The following GRIK4 variants were observed in gnomAD, a reference collection of about 807,000 sequenced individuals.
The protein encoded by GRIK4 is glutamate receptor ionotropic, kainate 4.
Under a neutral mutation model 104.9 loss-of-function variants are expected in GRIK4, and 40 were observed. That is an observed-to-expected ratio of 0.38 (90% CI 0.30 to 0.50). The LOEUF (loss-of-function observed/expected upper bound fraction) is 0.50. Among genes scored for constraint, GRIK4 ranks in the 20% least tolerant of loss-of-function variants. The pLI is 0.93. For synonymous variants in GRIK4, 485 were observed against 524.9 expected (o/e 0.92, Z 1.04); for missense variants, 1,047 against 1,308.1 (o/e 0.80, Z 3.08).
intron 1 of GRIK4, among the ~76,000 whole-genome samples, chr11:120,529,073 T>A (rs920738012): frequency 6.6e-6 from 1 of 152,114 alleles, no homozygotes; most frequent in Non-Finnish European, 1.5e-5. Flanking sequence ...CTACTCCTTA[T>A]CCATTCCTCT....
At chr11:120,639,817 A>G (rs775636911) in intron 1 of GRIK4, among the ~76,000 whole-genome samples, 1 of 152,164 alleles carries the variant, frequency 6.6e-6, no homozygotes, top group Non-Finnish European at 1.5e-5. Context: ...ACCTTTCCAT[A>G]AGAAATTCTG....
intron 3 of GRIK4, among the ~76,000 whole-genome samples, chr11:120,800,190 C>T (rs1055936697): frequency 4.6e-5 from 7 of 152,118 alleles, no homozygotes; most frequent in Admixed American, 1.3e-4. Context: ...TTTTTTCCCA[C>T]ATCAACTCTT....
Position 120,815,423 on chromosome 11 carries a change from C to A in GRIK4, c.293C>A (p.Ser98Ter). The A allele has an allele frequency of 6.4e-7, 1 of 1,552,706 alleles. No homozygotes were observed. Among genetic ancestry groups the A allele is most frequent in the Non-Finnish European group, 8.7e-7 (1 of 1,147,366 alleles). The change falls in exon 5 of 21, where the codon TCG becomes TAG. Residue 98 changes from serine (S) to a stop codon, truncating the protein, a stop_gained. Transcript: ENST00000527524. LOFTEE classifies it high-confidence loss of function. ...GGGGTGGTCGCTGTCCTCGGACCATCGTCCAGCCCAGCCTCCAGCTCCATC... is the reference window on the plus strand; with the variant it reads ...GGGGTGGTCGCTGTCCTCGGACCATAGTCCAGCCCAGCCTCCAGCTCCATC... ...PKGVVAVLGP[S>*]SSPASSSIIS... is the part of the protein sequence containing the mutation.
intron 3 of GRIK4, among the ~76,000 whole-genome samples, chr11:120,718,191 C>G (rs2135369672): frequency 6.6e-6 from 1 of 152,204 alleles, no homozygotes; most frequent in East Asian, 1.9e-4. Flanking sequence ...AGACAGGACT[C>G]AGCCCTGGAG....
At chr11:120,600,228 C>G (rs1260403018) in intron 1 of GRIK4, among the ~76,000 whole-genome samples, 1 of 152,100 alleles carries the variant, frequency 6.6e-6, no homozygotes, top group East Asian at 1.9e-4. Flanking sequence ...GGGAGGGTAC[C>G]TCCACCCACC....
intron 1 of GRIK4, among the ~76,000 whole-genome samples, chr11:120,562,569 GAAGT>G (rs1176111398): frequency 1.3e-5 from 2 of 152,114 alleles, no homozygotes; most frequent in African/African-American, 2.4e-5. Context: ...TGCACACACA[GAAGT>G]AAGTGAGGAT....
At chr11:120,799,465 G>A (rs543688200) in intron 3 of GRIK4, among the ~76,000 whole-genome samples, 2 of 152,258 alleles carry the variant, frequency 1.3e-5, no homozygotes, top group South Asian at 2.1e-4. Context: ...GCTCCCTAGC[G>A]CACCCCCTGC....
intron 3 of GRIK4, among the ~76,000 whole-genome samples, chr11:120,665,633 T>C (rs912726378): frequency 6.6e-6 from 1 of 152,246 alleles, no homozygotes; most frequent in African/African-American, 2.4e-5. Flanking sequence ...TGCAAACTTC[T>C]CTTCCCCCAG....
intron 11 of GRIK4, among the ~76,000 whole-genome samples, chr11:120,887,656 A>G (rs991526672): frequency 2.6e-5 from 4 of 152,226 alleles, no homozygotes; most frequent in Non-Finnish European, 4.4e-5. Context: ...TCACGCATCC[A>G]GCCAATATGT....
chr11:120,969,574 A>G (rs1221609955), intron 19 of GRIK4, among the ~76,000 whole-genome samples: 7 of 152,196 alleles, frequency 4.6e-5, no homozygotes, highest in Non-Finnish European at 1.0e-4. Context: ...TTCCCCCAAA[A>G]GAAGACACAT....
intron 8 of GRIK4, among the ~76,000 whole-genome samples, chr11:120,840,521 C>T (rs1169078664): frequency 3.3e-5 from 5 of 152,026 alleles, no homozygotes; most frequent in Admixed American, 1.3e-4. Flanking sequence ...AGGTCCAAAT[C>T]GTGAGAACTT....
chr11:120,840,095 A>G (rs1953675397), intron 8 of GRIK4, among the ~76,000 whole-genome samples: 1 of 152,184 alleles, frequency 6.6e-6, no homozygotes, highest in Non-Finnish European at 1.5e-5. Flanking sequence ...AAGCTGGGCA[A>G]GTCCAGGGAA....
chr11:120,849,680 G>A (rs1953932296), intron 8 of GRIK4, among the ~76,000 whole-genome samples: 1 of 152,150 alleles, frequency 6.6e-6, no homozygotes, highest in Admixed American at 6.5e-5. Context: ...GATGTTCAAG[G>A]GTCTTCACTC....
intron 14 of GRIK4, among the ~76,000 whole-genome samples, chr11:120,946,011 TAA>T (rs765834677): frequency 1.8e-4 from 28 of 152,348 alleles, no homozygotes; most frequent in Admixed American, 2.6e-4. Flanking sequence ...CTTGTAATGA[TAA>T]GTTTAGTATT....
At chr11:120,660,566 G>C (rs953755036) in intron 3 of GRIK4, among the ~76,000 whole-genome samples, 166 bp downstream of exon 3, 9 of 152,194 alleles carry the variant, frequency 5.9e-5, no homozygotes, top group Admixed American at 1.3e-4. Flanking sequence ...GGAGGCAGCT[G>C]ACAGGTGACC....
intron 11 of GRIK4, among the ~76,000 whole-genome samples, chr11:120,883,608 G>T (rs1353337968): frequency 6.6e-6 from 1 of 152,162 alleles, no homozygotes; most frequent in Non-Finnish European, 1.5e-5. Context: ...TGTAAGTCTG[G>T]TTCTTTCTCC....
chr11:120,840,126 G>T (rs1953675997), intron 8 of GRIK4, among the ~76,000 whole-genome samples: 1 of 152,158 alleles, frequency 6.6e-6, no homozygotes, highest in Non-Finnish European at 1.5e-5. Context: ...TCTGGTGCAG[G>T]GGAAGCTGGG....
intron 3 of GRIK4, among the ~76,000 whole-genome samples, chr11:120,701,887 T>TTTC (rs1313579915): frequency 6.6e-6 from 1 of 151,876 alleles, no homozygotes; most frequent in East Asian, 1.9e-4. Flanking sequence ...GCCAACAGAA[T>TTTC]TTCTTGATGG....
At chr11:120,728,813 C>A (rs993994789) in intron 3 of GRIK4, among the ~76,000 whole-genome samples, 4 of 152,136 alleles carry the variant, frequency 2.6e-5, no homozygotes, top group African/African-American at 4.8e-5. Context: ...TTATTATTGA[C>A]TATAGTCACC....
Sources: allele counts gnomAD v4.1 joint callset (sites outside exome capture counted in the v4.1 genomes callset), GRCh38; gene constraint gnomAD v4.1.1; transcripts MANE v1.5; gene names NCBI Gene and HGNC (gene_info 2026-07-23, HGNC 2026-07-21).